The following TFEC variants were observed in gnomAD, a reference collection of about 807,000 sequenced individuals.
The protein encoded by TFEC is class E basic helix-loop-helix protein 34.
In TFEC, 31 loss-of-function variants were observed where a neutral mutation model predicts 41.6. The observed-to-expected ratio is 0.74, with a 90% confidence interval of 0.56 to 1.01. The LOEUF is 1.01. TFEC is among the 50% of genes least tolerant of loss of function. TFEC has a pLI of 0.00. For missense variants in TFEC, 402 were observed against 404.1 expected (o/e 0.99, Z 0.04); for synonymous variants, 143 against 140.6 (o/e 1.02, Z -0.12).
intron 1 of TFEC, among the ~76,000 whole-genome samples, chr7:116,015,828 G>T (rs142556113): frequency 6.6e-6 from 1 of 152,212 alleles, no homozygotes; most frequent in Non-Finnish European, 1.5e-5. Context: ...GAAAGAAGAA[G>T]AATTCAGCAT....
intron 1 of TFEC, among the ~76,000 whole-genome samples, chr7:116,011,908 G>A (rs1411493113): frequency 6.6e-6 from 1 of 152,032 alleles, no homozygotes; most frequent in African/African-American, 2.4e-5. Context: ...TTCCCCTTCT[G>A]CCATGACTGT....
At chr7:115,988,966 A>AG (rs1554396471) in intron 1 of TFEC, among the ~76,000 whole-genome samples, 3 of 152,176 alleles carry the variant, frequency 2.0e-5, no homozygotes, top group East Asian at 1.9e-4. Flanking sequence ...TAAGGGATTG[A>AG]GGGGGAAAAA....
intron 1 of TFEC, among the ~76,000 whole-genome samples, chr7:116,137,523 T>A (rs962744775): frequency 1.3e-5 from 2 of 152,172 alleles, no homozygotes; most frequent in African/African-American, 4.8e-5. Context: ...TCTTTGAGTC[T>A]TAACTTTCCA....
At chr7:116,099,521 A>T (rs535000061) in intron 3 of TFEC, among the ~76,000 whole-genome samples, 2 of 152,340 alleles carry the variant, frequency 1.3e-5, no homozygotes, top group South Asian at 2.1e-4. Context: ...CTTCCACATT[A>T]CGACCAGTCC....
intron 3 of TFEC, among the ~76,000 whole-genome samples, chr7:115,961,194 TAC>T (rs1157769387): frequency 5.9e-5 from 9 of 151,686 alleles, no homozygotes; most frequent in Non-Finnish European, 1.0e-4. Flanking sequence ...AAATAGTGAA[TAC>T]AGTTTTCTCA....
chr7:116,140,731 C>T (rs1798523823), intron 1 of TFEC, among the ~76,000 whole-genome samples: 1 of 152,110 alleles, frequency 6.6e-6, no homozygotes, highest in East Asian at 1.9e-4. Context: ...TTTTTGCCTT[C>T]CCATTTAGAA....
intron 1 of TFEC, among the ~76,000 whole-genome samples, chr7:116,020,281 G>A (rs554242418): frequency 1.5e-3 from 232 of 152,180 alleles, no homozygotes; most frequent in African/African-American, 5.3e-3. Context: ...AGAATACCTT[G>A]TGCAGAGGAG....
At chr7:116,017,042 C>A (rs1209962595) in intron 1 of TFEC, among the ~76,000 whole-genome samples, 1 of 152,160 alleles carries the variant, frequency 6.6e-6, no homozygotes, top group Non-Finnish European at 1.5e-5. Context: ...ATCCTTGCCT[C>A]TGCTACCAGA....
intron 1 of TFEC, among the ~76,000 whole-genome samples, chr7:115,998,411 A>G (rs1193460398): frequency 6.6e-6 from 1 of 152,078 alleles, no homozygotes; most frequent in Non-Finnish European, 1.5e-5. Flanking sequence ...TAAAGGAAAG[A>G]AGGAAGAGAA....
At chr7:116,022,301 T>A (rs1213264440) in intron 1 of TFEC, among the ~76,000 whole-genome samples, 1 of 152,166 alleles carries the variant, frequency 6.6e-6, no homozygotes, top group Non-Finnish European at 1.5e-5. Flanking sequence ...CCCCTTAATT[T>A]AAAAATGAGG....
intron 3 of TFEC, 28 bp downstream of exon 3, chr7:115,974,142 T>A (rs765303665): frequency 6.4e-7 from 1 of 1,556,464 alleles, no homozygotes; most frequent in African/African-American, 1.4e-5. Flanking sequence ...TCTGTTTCAA[T>A]GACCTTCTTG....
intron 1 of TFEC, among the ~76,000 whole-genome samples, chr7:116,018,642 T>C (rs1049762162): frequency 6.6e-6 from 1 of 152,104 alleles, no homozygotes; most frequent in Non-Finnish European, 1.5e-5. Flanking sequence ...GGGGAGGAAG[T>C]TGAAGATTTT....
At chr7:116,073,608 T>A (rs1007758485) in intron 3 of TFEC, among the ~76,000 whole-genome samples, 2 of 151,882 alleles carry the variant, frequency 1.3e-5, no homozygotes, top group South Asian at 2.1e-4. Context: ...TTGAGAAAGT[T>A]TTTTTGCATA....
chr7:115,946,049 G>C (rs984109929), intron 6 of TFEC, among the ~76,000 whole-genome samples: 1 of 151,794 alleles, frequency 6.6e-6, no homozygotes, highest in South Asian at 2.1e-4. Flanking sequence ...TTTAGATAAA[G>C]TTTTTATTAA....
At chr7:116,053,985 T>G (rs1796372972) in intron 3 of TFEC, among the ~76,000 whole-genome samples, 1 of 152,224 alleles carries the variant, frequency 6.6e-6, no homozygotes. Context: ...CTATTATTGT[T>G]GCAATTTAAT....
intron 3 of TFEC, among the ~76,000 whole-genome samples, chr7:116,049,239 T>A (rs1423837716): frequency 6.6e-6 from 1 of 152,018 alleles, no homozygotes; most frequent in Non-Finnish European, 1.5e-5. Context: ...GAGACCCATC[T>A]CACATGCAGA....
intron 1 of TFEC, among the ~76,000 whole-genome samples, chr7:116,112,499 A>C (rs1402343226): frequency 6.6e-6 from 1 of 151,934 alleles, no homozygotes; most frequent in Admixed American, 6.6e-5. Context: ...CAAACTCCAA[A>C]ATTATTAATT....
chr7:116,151,807 T>A (rs1798768476), intron 1 of TFEC, among the ~76,000 whole-genome samples: 1 of 152,184 alleles, frequency 6.6e-6, no homozygotes, highest in Non-Finnish European at 1.5e-5. Context: ...AATTGGTTTA[T>A]AAAATACTAC....
At chr7:116,064,837 G>C (rs1796655857) in intron 3 of TFEC, among the ~76,000 whole-genome samples, 1 of 152,180 alleles carries the variant, frequency 6.6e-6, no homozygotes, top group South Asian at 2.1e-4. Flanking sequence ...CTCCAGAACT[G>C]TTGGCCACAG....
Sources: gnomAD v4.1 joint callset for allele counts (sites outside exome capture counted in the v4.1 genomes callset) on GRCh38, gnomAD v4.1.1 for gene constraint, MANE v1.5 for transcripts, NCBI Gene and HGNC (gene_info 2026-07-23, HGNC 2026-07-21) for gene names.